Variants in CHRM5 observed in about 807,000 individuals in gnomAD.
CHRM5 encodes cholinergic receptor muscarinic 5, also known as muscarinic acetylcholine receptor M5.
Under a neutral mutation model 39.0 loss-of-function variants are expected in CHRM5, and 18 were observed. The ratio of observed to expected loss-of-function variants is 0.46; its 90% CI spans 0.32 to 0.68. CHRM5 has a LOEUF of 0.68. Among genes scored for constraint, CHRM5 ranks in the 30% least tolerant of loss-of-function variants. CHRM5 has a pLI of 0.04. For missense variants in CHRM5, 515 were observed against 651.1 expected (o/e 0.79, Z 2.28); for synonymous variants, 241 against 246.3 (o/e 0.98, Z 0.20).
At chr15:34,031,006 G>A (rs948470707) in intron 1 of CHRM5, among the ~76,000 whole-genome samples, 11 of 151,936 alleles carry the variant, frequency 7.2e-5, no homozygotes, top group Admixed American at 2.0e-4. Flanking sequence ...GACTATGTTC[G>A]TTTCACAGAA....
chr15:33,993,758 G>A (rs768145831), intron 1 of CHRM5, among the ~76,000 whole-genome samples: 7 of 152,030 alleles, frequency 4.6e-5, no homozygotes, highest in Non-Finnish European at 8.8e-5. Flanking sequence ...CCCCACTAGA[G>A]GTGACCGCAA....
At chr15:34,055,380 C>T (rs1900099341) in intron 2 of CHRM5, among the ~76,000 whole-genome samples, 2 of 151,972 alleles carry the variant, frequency 1.3e-5, no homozygotes, top group South Asian at 4.2e-4. Context: ...TGGTGTGCAC[C>T]TGTAGTCCCA....
intron 1 of CHRM5, among the ~76,000 whole-genome samples, chr15:33,993,843 T>A (rs886843941): frequency 6.6e-6 from 1 of 152,170 alleles, no homozygotes; most frequent in African/African-American, 2.4e-5. Flanking sequence ...AAATAGGGTT[T>A]TTTTTTCCTG....
In CHRM5 at chr15:34,067,299, T is replaced by C. The variant is rs557330239; in HGVS notation, c.*2983T>C. On this transcript the variant is annotated 3_prime_UTR_variant, in exon 3 of 3. Transcript: ENST00000383263. ...GAATGTCCTTTGAAGACAATACTGA[T>C]GCCAGCTCTTTGTAATTGTGAAATC... 19 of 152,364 alleles carry C rather than the reference T, an allele frequency of 1.2e-4. No individual in the cohort carries two copies. Among genetic ancestry groups the C allele is most frequent in the South Asian group, 6.2e-4 (3 of 4,832 alleles). 9.4% of individuals were successfully genotyped at this position (152,364 alleles called of 1,614,324 possible). A position where few individuals can be genotyped will look rare whatever the true frequency, so the allele number is the denominator to read the frequency against.
chr15:33,996,321 G>A (rs1264168844), intron 1 of CHRM5, among the ~76,000 whole-genome samples: 1 of 152,226 alleles, frequency 6.6e-6, no homozygotes, highest in African/African-American at 2.4e-5. Context: ...GCTCTGAAGA[G>A]AGGTGTGGTT....
At chr15:34,042,099 G>A (rs1026809067) in intron 1 of CHRM5, among the ~76,000 whole-genome samples, 10 of 152,090 alleles carry the variant, frequency 6.6e-5, no homozygotes, top group Non-Finnish European at 1.5e-4. Flanking sequence ...TGTGATTCTG[G>A]TCCAAAAATG....
intron 1 of CHRM5, among the ~76,000 whole-genome samples, chr15:34,023,180 AG>A (rs1444225581): frequency 6.6e-6 from 1 of 152,170 alleles, no homozygotes; most frequent in Non-Finnish European, 1.5e-5. Context: ...ACTCGGTCTC[AG>A]AAAAAAAAAA....
intron 1 of CHRM5, among the ~76,000 whole-genome samples, chr15:33,985,703 G>A (rs547397814): frequency 1.8e-4 from 27 of 152,146 alleles, no homozygotes; most frequent in African/African-American, 6.3e-4. Context: ...TGATTCCTTA[G>A]TGTTTGGTAA....
At chr15:34,058,326 TA>T (rs1290553783) in intron 2 of CHRM5, among the ~76,000 whole-genome samples, 1 of 152,070 alleles carries the variant, frequency 6.6e-6, no homozygotes, top group Non-Finnish European at 1.5e-5. Flanking sequence ...TATTGATAAA[TA>T]AAAAATTACA....
chr15:34,031,414 A>G (rs1898813288), intron 1 of CHRM5, among the ~76,000 whole-genome samples: 1 of 151,956 alleles, frequency 6.6e-6, no homozygotes, highest in Non-Finnish European at 1.5e-5. Flanking sequence ...ACCTCAGGTG[A>G]TCTGCCTGCC....
At chr15:34,024,504 G>T (rs535485224) in intron 1 of CHRM5, among the ~76,000 whole-genome samples, 2 of 148,618 alleles carry the variant, frequency 1.3e-5, no homozygotes, top group Non-Finnish European at 3.0e-5. Flanking sequence ...GAAGCACTTT[G>T]CTCACAGAAT....
At chr15:34,039,320 AT>A (rs2140799449) in intron 1 of CHRM5, 1 of 163,090 alleles carries the variant, frequency 6.1e-6, no homozygotes, top group Non-Finnish European at 1.3e-5. Flanking sequence ...GGGCGGGGGG[AT>A]TCTCAAGGCA....
rs978321660 is a variant in CHRM5, at chr15:34,012,891, T to C, written c.-407-33649T>C. On this transcript the variant is annotated intron_variant, in intron 1 of 2. Transcript: ENST00000383263. The stretch of plus-strand genomic sequence containing the variant: ...GGTTATGTTTACTCTTCACCTAAGT[T>C]AACCATTATTTTTTCCTTTATAAGC... 4.6e-5 allele frequency among the ~76,000 whole-genome samples: 7 copies of C among 152,224 alleles called. No individual in the cohort carries two copies. In the East Asian group the frequency reaches 5.8e-4, roughly 13 times the overall value.
chr15:34,053,692 A>C (rs374910276), intron 2 of CHRM5, among the ~76,000 whole-genome samples: 1 of 152,304 alleles, frequency 6.6e-6, no homozygotes, highest in Non-Finnish European at 1.5e-5. Context: ...GATGAATTAA[A>C]GATTTAAATG....
chr15:34,045,122 G>C (rs1899638007), intron 1 of CHRM5, among the ~76,000 whole-genome samples: 1 of 152,108 alleles, frequency 6.6e-6, no homozygotes, highest in Admixed American at 6.6e-5. Flanking sequence ...ACCTGAATTT[G>C]GTCTAAAAAC....
chr15:33,983,249 T>C (rs1446908499), intron 1 of CHRM5, among the ~76,000 whole-genome samples: 3 of 130,778 alleles, frequency 2.3e-5, no homozygotes, highest in Non-Finnish European at 4.6e-5. Flanking sequence ...CACACACATA[T>C]ATATGGCTTC....
intron 2 of CHRM5, among the ~76,000 whole-genome samples, chr15:34,049,754 G>T (rs1899864831): frequency 6.6e-6 from 1 of 151,706 alleles, no homozygotes; most frequent in South Asian, 2.1e-4. Context: ...ACGTTGAAAT[G>T]AAAGAAAAAA....
At chr15:34,049,595 G>C (rs1899855778) in intron 2 of CHRM5, among the ~76,000 whole-genome samples, 1 of 152,138 alleles carries the variant, frequency 6.6e-6, no homozygotes, top group African/African-American at 2.4e-5. Flanking sequence ...ATGGAACCGA[G>C]TTGGAAAACA....
intron 2 of CHRM5, among the ~76,000 whole-genome samples, chr15:34,061,828 G>A (rs1900342467): frequency 6.6e-6 from 1 of 152,166 alleles, no homozygotes; most frequent in African/African-American, 2.4e-5. Flanking sequence ...TTAGGGCAAG[G>A]AGAGGTGGTA....
Sources: gnomAD v4.1 joint callset for allele counts (sites outside exome capture counted in the v4.1 genomes callset) on GRCh38, gnomAD v4.1.1 for gene constraint, MANE v1.5 for transcripts, NCBI Gene and HGNC (gene_info 2026-07-23, HGNC 2026-07-21) for gene names.